GRN: variants seen among roughly 807,000 people sequenced by gnomAD.
GRN encodes the protein granulin precursor.
A neutral mutation model predicts 66.7 loss-of-function variants in GRN; 30 were observed. The ratio of observed to expected loss-of-function variants is 0.45; its 90% CI spans 0.34 to 0.61. GRN has a LOEUF of 0.61. Among genes scored for constraint, GRN ranks in the 20% least tolerant of loss-of-function variants. The pLI, the probability that GRN is intolerant of heterozygous loss-of-function variation, is 0.01. For synonymous variants in GRN, 327 were observed against 311.1 expected (o/e 1.05, Z -0.54); for missense variants, 731 against 803.5 (o/e 0.91, Z 1.09).
At chr17:44,347,959 G>A (rs987253048) in intron 1 of GRN, among the ~76,000 whole-genome samples, 12 of 149,234 alleles carry the variant, frequency 8.0e-5, no homozygotes, top group African/African-American at 2.7e-4. Flanking sequence ...GTGAGCAGAC[G>A]TGGTGGCACG....
Position 44,351,687 on chromosome 17 carries a change from A to T in GRN, c.1071A>T (p.Pro357=), listed in dbSNP as rs765677842. 1.2e-6 allele frequency: 2 copies of T among 1,613,996 alleles called. No homozygotes were observed. Among genetic ancestry groups the T allele is most frequent in the Admixed American group, 1.7e-5 (1 of 60,020 alleles). Residue 357 remains proline, a synonymous_variant, in exon 10 of 13, where the codon CCA becomes CCT. Coordinates refer to ENST00000053867, the MANE Select transcript of GRN (RefSeq NM_002087.4). ...KAPAHLSLPD[P]QALKRDVPCD... is the part of the protein sequence containing the mutation. Reference sequence around the variant, plus strand: ...CAGCTCACCTCAGCCTGCCAGACCCACAAGCCTTGAAGAGAGATGTCCCCT... The same window carrying T: ...CAGCTCACCTCAGCCTGCCAGACCCTCAAGCCTTGAAGAGAGATGTCCCCT...
rs140747584 is a variant in GRN, at chr17:44,352,360, G to A, written c.1433G>A (p.Arg478His). Residue 478 changes from arginine (R) to histidine (H), a missense_variant, in exon 12 of 13, where the codon CGC (arginine) becomes CAC (histidine). This residue lies in a region of GRN where 319 missense variants were observed against 347.2 expected (regional missense o/e 0.92). Coordinates refer to ENST00000053867, the MANE Select transcript of GRN (RefSeq NM_002087.4). ...CGCCAGGCTGTGTGCTGCGAGGATCGCCAGCACTGCTGCCCGGCTGGCTAC... is the reference window on the plus strand; with the variant it reads ...CGCCAGGCTGTGTGCTGCGAGGATCACCAGCACTGCTGCCCGGCTGGCTAC... ...QLPHAVCCEDRQHCCPAGYTC... is the reference protein window; with the variant it reads ...QLPHAVCCEDHQHCCPAGYTC... 4.4e-5 allele frequency: 71 copies of A among 1,612,862 alleles called. No individual in the cohort carries two copies. Among genetic ancestry groups the A allele is most frequent in the Non-Finnish European group, 5.1e-5 (60 of 1,179,674 alleles).
At chr17:44,346,539 T>C (rs1231722771) in intron 1 of GRN, among the ~76,000 whole-genome samples, 1 of 152,148 alleles carries the variant, frequency 6.6e-6, no homozygotes, top group Non-Finnish European at 1.5e-5. Flanking sequence ...GCAGTCCCTG[T>C]ACCCTGTTTC....
intron 12 of GRN, 23 bp downstream of exon 12, chr17:44,352,594 G>A: frequency 6.2e-7 from 1 of 1,612,188 alleles, no homozygotes; most frequent in South Asian, 1.1e-5. Context: ...CCCCATCCTG[G>A]GGCTGGGTAT....
Position 44,352,797 on chromosome 17 carries a change from G to C in GRN, c.1781G>C (p.Ter594SerextTer28). 1.9e-6 allele frequency: 3 copies of C among 1,611,250 alleles called. No individual in the cohort carries two copies. Among genetic ancestry groups the C allele is most frequent in the Non-Finnish European group, 2.5e-6 (3 of 1,179,962 alleles). Reference protein sequence around the residue: ...LRDPALRQLL* With the variant: ...LRDPALRQLLS ...GACCCAGCCTTGAGACAGCTGCTGTGAGGGACAGTACTGAAGACTCTGCAG... is the reference window on the plus strand; with the variant it reads ...GACCCAGCCTTGAGACAGCTGCTGTCAGGGACAGTACTGAAGACTCTGCAG... Residue 594 changes from the stop codon to serine (S), a stop_lost, in exon 13 of 13, where the codon TGA becomes TCA. Coordinates refer to ENST00000053867, the MANE Select transcript of GRN (RefSeq NM_002087.4).
intron 8 of GRN, 50 bp from the exon 9 acceptor site, chr17:44,351,312 CT>C: frequency 6.5e-7 from 1 of 1,535,744 alleles, no homozygotes; most frequent in South Asian, 1.1e-5. Flanking sequence ...GTTGATACCC[CT>C]GAGGGTCCCC....
chr17:44,350,460 A>G lies in GRN; in HGVS notation c.481A>G (p.Arg161Gly). ...TTCTCAGGCTTCCTGCTGTGAAGAC[A>G]GGGTGCACTGCTGTCCGCACGGTGC... The part of the protein sequence containing the change: ...PMPQASCCED[R>G]VHCCPHGAFC... Residue 161 changes from arginine (R) to glycine (G), a missense_variant, in exon 6 of 13, where the codon AGG becomes GGG. By Grantham distance (125) the Arg-to-Gly change is moderately radical. Transcript: ENST00000053867. 1 of 1,613,980 alleles carries G rather than the reference A, an allele frequency of 6.2e-7. No homozygotes were observed. Among genetic ancestry groups the G allele is most frequent in the Non-Finnish European group, 8.5e-7 (1 of 1,179,970 alleles).
Position 44,351,022 on chromosome 17 carries a change from CCT to C in GRN, c.709-14_709-13del, listed in dbSNP as rs1054073758. On this transcript the variant is annotated splice_polypyrimidine_tract_variant and intron_variant, in intron 7 of 12. Coordinates refer to ENST00000053867, the MANE Select transcript of GRN (RefSeq NM_002087.4). ...AGCCTGGAAGTGACAAAGACCCACC[CCT>C]GTCCCCACTCAGGCCACCTGCTGCT... 3 of 1,612,804 alleles carry C rather than the reference CCT, an allele frequency of 1.9e-6. No homozygotes were observed. In the African/African-American group the frequency reaches 4.0e-5, roughly 22 times the overall value.
chr17:44,346,863 C>T (rs1026765711), intron 1 of GRN, among the ~76,000 whole-genome samples: 4 of 152,164 alleles, frequency 2.6e-5, no homozygotes, highest in African/African-American at 9.7e-5. Context: ...TGCCTGTAAT[C>T]CCACCACTTT....
At chr17:44,350,155 C>G in intron 4 of GRN, 73 bp from the exon 5 acceptor site, 1 of 1,060,454 alleles carries the variant, frequency 9.4e-7, no homozygotes. Context: ...CCTGGTGCCA[C>G]CAGCTCCTTG....
At chr17:44,347,163 G>A (rs1374210190) in intron 1 of GRN, among the ~76,000 whole-genome samples, 1 of 152,046 alleles carries the variant, frequency 6.6e-6, no homozygotes, top group Non-Finnish European at 1.5e-5. Flanking sequence ...AAATAGTTGT[G>A]ATCCTGAATT....
Position 44,351,475 on chromosome 17 carries a change from C to CGGGT in GRN, c.933+23_933+26dup. The CGGGT allele has an allele frequency of 3.4e-6, 2 of 585,564 alleles. No individual in the cohort carries two copies. Among genetic ancestry groups the CGGGT allele is most frequent in the Non-Finnish European group, 6.4e-6 (2 of 311,468 alleles). The allele number at this position is 585,564 out of a possible 1,614,324, so 36.3% of individuals were successfully genotyped here. A position where few individuals can be genotyped will look rare whatever the true frequency, so the allele number is the denominator to read the frequency against. ...CTTTTACCCAGGTACCCAGGGGTGG[C>CGGGT]GGGTGGGTGGGCTGAGCACAGTGTG... On this transcript the variant is annotated intron_variant, in intron 9 of 12. Transcript: ENST00000053867.
chr17:44,347,480 G>T (rs1394385031), intron 1 of GRN, among the ~76,000 whole-genome samples: 1 of 151,688 alleles, frequency 6.6e-6, no homozygotes, highest in Non-Finnish European at 1.5e-5. Context: ...ATAGAGATGG[G>T]GTTTTACCAC....
chr17:44,351,355 C>T lies in GRN; in HGVS notation c.836-8C>T, dbSNP rs376226985. 1.1e-5 allele frequency: 17 copies of T among 1,606,248 alleles called. No homozygotes were observed. The African/African-American group carries it at 2.3e-4, about 21-fold the overall frequency. ...ACTTCTGACCTGTCCTCTCTGCTTC[C>T]CTCACAGTGGGGGATGTGAAATGTG... is the stretch of plus-strand genomic sequence containing the variant. On this transcript the variant is annotated splice_polypyrimidine_tract_variant and splice_region_variant and intron_variant, in intron 8 of 12. Coordinates refer to ENST00000053867, the MANE Select transcript of GRN (RefSeq NM_002087.4).
chr17:44,351,663 A>G lies in GRN; in HGVS notation c.1047A>G (p.Pro349=), dbSNP rs754229471. The G allele has an allele frequency of 1.2e-6, 2 of 1,614,082 alleles. No individual in the cohort carries two copies. Among genetic ancestry groups the G allele is most frequent in the South Asian group, 1.1e-5 (1 of 91,090 alleles). The change falls in exon 10 of 13, where the codon CCA becomes CCG. Residue 349 remains proline, a synonymous_variant. Coordinates refer to ENST00000053867, the MANE Select transcript of GRN (RefSeq NM_002087.4). ...AGGTGCCCTGGATGGAGAAGGCCCC[A>G]GCTCACCTCAGCCTGCCAGACCCAC... is the stretch of plus-strand genomic sequence containing the variant. ...PHQVPWMEKA[P]AHLSLPDPQA...
chr17:44,348,600 C>G (rs2048342712), intron 1 of GRN, among the ~76,000 whole-genome samples: 1 of 152,220 alleles, frequency 6.6e-6, no homozygotes, highest in Non-Finnish European at 1.5e-5. Flanking sequence ...TTTCCTTTTT[C>G]ACAACTTTCT....
intron 1 of GRN, 50 bp from the exon 2 acceptor site, chr17:44,349,108 A>G (rs534297275): frequency 6.2e-7 from 1 of 1,605,620 alleles, no homozygotes; most frequent in Non-Finnish European, 8.5e-7. Flanking sequence ...CCTAGAATCA[A>G]GGGTGGCGTG....
chr17:44,350,103 C>T, intron 4 of GRN, 125 bp from the exon 5 acceptor site: 1 of 779,968 alleles, frequency 1.3e-6, no homozygotes. Context: ...GATCACTGAG[C>T]CTTAGTGTCA....
Position 44,351,789 on chromosome 17 carries a change from C to T in GRN, c.1173C>T (p.Ile391=), listed in dbSNP as rs1026211445. The change falls in exon 10 of 13, where the codon ATC becomes ATT. Residue 391 remains isoleucine (I), a synonymous_variant. Coordinates refer to ENST00000053867, the MANE Select transcript of GRN (RefSeq NM_002087.4). ...CTGGGGAGTGGGGCTGCTGTCCAAT[C>T]CCAGAGGTATATGGGAGGGGACAGC... ...LTSGEWGCCP[I]PEAVCCSDHQ... 1.2e-6 allele frequency: 2 copies of T among 1,613,084 alleles called. No homozygotes were observed. Among genetic ancestry groups the T allele is most frequent in the African/African-American group, 2.7e-5 (2 of 74,902 alleles).
Sources: gnomAD v4.1 joint callset for allele counts (sites outside exome capture counted in the v4.1 genomes callset) on GRCh38, gnomAD v4.1.1 for gene constraint, gnomAD v4.1.1 regional missense constraint, MANE v1.5 for transcripts, NCBI Gene and HGNC (gene_info 2026-07-23, HGNC 2026-07-21) for gene names.